The following PPP1R9A variants were observed in gnomAD, a reference collection of about 807,000 sequenced individuals.
The protein encoded by PPP1R9A is protein phosphatase 1 regulatory subunit 9A.
PPP1R9A carries 59 observed loss-of-function variants against 141.9 expected under a neutral mutation model. That is an observed-to-expected ratio of 0.42 (90% CI 0.34 to 0.52). PPP1R9A has a LOEUF of 0.52. Among genes scored for constraint, PPP1R9A ranks in the 20% least tolerant of loss-of-function variants. The probability of loss-of-function intolerance (pLI) is 0.10; values close to 1 mark genes in which losing one functional copy is unlikely to be tolerated. For missense variants in PPP1R9A, 1,444 were observed against 1,611.9 expected (o/e 0.90, Z 1.78); for synonymous variants, 500 against 569.7 (o/e 0.88, Z 1.74).
At chr7:95,079,152 T>C (rs1815360874) in intron 2 of PPP1R9A, among the ~76,000 whole-genome samples, 1 of 152,230 alleles carries the variant, frequency 6.6e-6, no homozygotes, top group African/African-American at 2.4e-5. Context: ...TTGAATTAAT[T>C]TTTGTATAAG....
chr7:94,927,199 A>G (rs769946201), intron 2 of PPP1R9A, among the ~76,000 whole-genome samples: 13 of 152,156 alleles, frequency 8.5e-5, no homozygotes, highest in African/African-American at 3.1e-4. Flanking sequence ...ATACGTAAAA[A>G]CCATGTTTTG....
intron 12 of PPP1R9A, among the ~76,000 whole-genome samples, chr7:95,263,441 T>A (rs1247845040): frequency 6.6e-6 from 1 of 151,810 alleles, no homozygotes; most frequent in Non-Finnish European, 1.5e-5. Flanking sequence ...TTGTTGTTGT[T>A]GTTGTTGTTT....
intron 4 of PPP1R9A, chr7:95,155,122 C>T (rs1829372897): frequency 1.3e-5 from 2 of 150,936 alleles, no homozygotes; most frequent in African/African-American, 4.9e-5. Context: ...AGAAAAAAGC[C>T]AACTTGTAGT....
intron 2 of PPP1R9A, among the ~76,000 whole-genome samples, chr7:94,928,305 A>G (rs1431798549): frequency 6.6e-6 from 1 of 152,112 alleles, no homozygotes; most frequent in Non-Finnish European, 1.5e-5. Context: ...ACTTGTATAC[A>G]TAGGAGTTGG....
In PPP1R9A at chr7:95,252,467, A is replaced by ATTT. The variant is rs71127405; in HGVS notation, c.2665+357_2665+359dup. ...TTATGTGTTAATGACTAAGGTTTAG[A>ATTT]TTTTTTTTTTTTTTTTTTTTTTGAG... On this transcript the variant is annotated intron_variant, in intron 12 of 19. Transcript: ENST00000433360. Among the ~76,000 whole-genome samples the ATTT allele has an allele frequency of 7.1e-3, 760 of 107,036 alleles. 28 individuals are homozygous for ATTT. The highest frequency in any genetic ancestry group is 0.023 in the African/African-American group (655 of 28,010). The allele number at this position is 107,036 out of a possible 152,430, so 70.2% of individuals were successfully genotyped here.
At chr7:95,120,689 C>G in intron 3 of PPP1R9A, 23 bp from the exon 4 acceptor site, 7 of 1,605,942 alleles carry the variant, frequency 4.4e-6, no homozygotes, top group Non-Finnish European at 6.0e-6. Flanking sequence ...GTTTCACCTC[C>G]CCCCTTTTTT....
At chr7:95,253,483 A>G (rs1452708935) in intron 12 of PPP1R9A, among the ~76,000 whole-genome samples, 1 of 152,186 alleles carries the variant, frequency 6.6e-6, no homozygotes, top group Non-Finnish European at 1.5e-5. Context: ...TATCCTTCTA[A>G]TGGGTTTTCC....
chr7:95,219,122 A>G (rs573919845), intron 7 of PPP1R9A, among the ~76,000 whole-genome samples: 55 of 152,178 alleles, frequency 3.6e-4, no homozygotes, highest in African/African-American at 1.3e-3. Context: ...GTTCCTTTCC[A>G]TGTTTAATGC....
rs187732161 is a variant in PPP1R9A, at chr7:95,057,003, G to A, written c.1396-54256G>A. Among the ~76,000 whole-genome samples the A allele has an allele frequency of 3.5e-3, 532 of 152,196 alleles. 6 individuals carry two copies. Among genetic ancestry groups the A allele is most frequent in the African/African-American group, 0.012 (507 of 41,546 alleles). On this transcript the variant is annotated intron_variant, in intron 2 of 19. Coordinates refer to ENST00000433360, the MANE Select transcript of PPP1R9A (RefSeq NM_001166160.2). ...AATGTGATTTACTGCTTTAAAAATT[G>A]TTGAATTTTGATCTCTCTCTCCATG...
At chr7:94,961,213 A>C (rs1797608855) in intron 2 of PPP1R9A, among the ~76,000 whole-genome samples, 1 of 151,662 alleles carries the variant, frequency 6.6e-6, no homozygotes, top group Non-Finnish European at 1.5e-5. Context: ...CTTATAAATA[A>C]ATGACACATT....
intron 8 of PPP1R9A, among the ~76,000 whole-genome samples, chr7:95,228,855 T>G (rs1172205198): frequency 1.3e-5 from 2 of 152,162 alleles, no homozygotes; most frequent in African/African-American, 2.4e-5. Flanking sequence ...ATCGTGCCCT[T>G]TATTCATTAT....
In PPP1R9A at chr7:95,284,332, TAATAACACTGC is replaced by T. The variant is rs1223889987; in HGVS notation, c.3609+8_3609+18del. 3 of 1,460,874 alleles carry T rather than the reference TAATAACACTGC, an allele frequency of 2.1e-6. No individual in the cohort carries two copies. In the African/African-American group the frequency reaches 4.2e-5, roughly 21 times the overall value. The allele number at this position is 1,460,874 out of a possible 1,614,324, so 90.5% of individuals were successfully genotyped here. On this transcript the variant is annotated splice_donor_5th_base_variant and intron_variant, in intron 17 of 19. Coordinates refer to ENST00000433360, the MANE Select transcript of PPP1R9A (RefSeq NM_001166160.2). ...GTAGTCTGGATCCAAGAAACCAATGTAATAACACTGCAATAAACAATGCATGGTATTTCTTA... is the reference window on the plus strand; with the variant it reads ...GTAGTCTGGATCCAAGAAACCAATGTAATAAACAATGCATGGTATTTCTTA...
At chr7:95,269,641 A>G in intron 14 of PPP1R9A, 134 bp downstream of exon 14, 1 of 679,034 alleles carries the variant, frequency 1.5e-6, no homozygotes, top group Non-Finnish European at 2.2e-6. Flanking sequence ...ATATTATAGA[A>G]TAAGAGAAAC....
At chr7:94,945,896 TCA>T (rs1313860892) in intron 2 of PPP1R9A, among the ~76,000 whole-genome samples, 1 of 152,040 alleles carries the variant, frequency 6.6e-6, no homozygotes, top group Non-Finnish European at 1.5e-5. Context: ...GATCAGTAAC[TCA>T]CACACTATTC....
chr7:95,023,112 C>T (rs1160064050), intron 2 of PPP1R9A, among the ~76,000 whole-genome samples: 1 of 151,966 alleles, frequency 6.6e-6, no homozygotes, highest in Non-Finnish European at 1.5e-5. Context: ...TGGTCCTGGA[C>T]TTTTTTTGGT....
chr7:95,136,805 C>T (rs1164192504), intron 4 of PPP1R9A, among the ~76,000 whole-genome samples: 1 of 152,136 alleles, frequency 6.6e-6, no homozygotes, highest in Non-Finnish European at 1.5e-5. Context: ...ATATTTATTG[C>T]TCTGGGTTTA....
At chr7:95,125,408 T>G (rs1240344669) in intron 4 of PPP1R9A, among the ~76,000 whole-genome samples, 1 of 152,208 alleles carries the variant, frequency 6.6e-6, no homozygotes, top group Non-Finnish European at 1.5e-5. Flanking sequence ...ATTTCCTGTT[T>G]CTAAATTTTT....
intron 4 of PPP1R9A, among the ~76,000 whole-genome samples, chr7:95,153,085 A>G (rs113404245): frequency 0.075 from 11,437 of 152,046 alleles, 1,192 homozygotes; most frequent in African/African-American, 0.23. Context: ...CCTGACCTCA[A>G]ATGATTCACT....
intron 14 of PPP1R9A, among the ~76,000 whole-genome samples, chr7:95,273,313 G>A (rs1802515954): frequency 6.6e-6 from 1 of 152,194 alleles, no homozygotes; most frequent in Admixed American, 6.5e-5. Flanking sequence ...CTGAGCCCCT[G>A]TTTAAGGAGT....
Sources: allele counts gnomAD v4.1 joint callset (sites outside exome capture counted in the v4.1 genomes callset), GRCh38; gene constraint gnomAD v4.1.1; transcripts MANE v1.5; gene names NCBI Gene and HGNC (gene_info 2026-07-23, HGNC 2026-07-21).